The following ASB4 variants were observed in gnomAD, a reference collection of about 807,000 sequenced individuals.
The protein encoded by ASB4 is ankyrin repeat and SOCS box protein 4.
Under a neutral mutation model 38.6 loss-of-function variants are expected in ASB4, and 35 were observed. The ratio of observed to expected loss-of-function variants is 0.91; its 90% CI spans 0.69 to 1.20. The LOEUF is 1.20. Among genes scored for constraint, ASB4 ranks in the 50% most tolerant of loss-of-function variants. The pLI is 0.00. For missense variants in ASB4, 557 were observed against 527.2 expected (o/e 1.06, Z -0.55); for synonymous variants, 195 against 201.3 (o/e 0.97, Z 0.26).
intron 2 of ASB4, among the ~76,000 whole-genome samples, chr7:95,518,402 G>T (rs905432356): frequency 8.7e-4 from 132 of 152,374 alleles, no homozygotes; most frequent in African/African-American, 3.1e-3. Flanking sequence ...ATAAGACCAA[G>T]GCAGCTTGGA....
chr7:95,529,604 A>T (rs1261436847), intron 3 of ASB4, among the ~76,000 whole-genome samples: 1 of 152,232 alleles, frequency 6.6e-6, no homozygotes, highest in African/African-American at 2.4e-5. Context: ...TCTCTTGGTT[A>T]TCAGGATGCT....
At chr7:95,506,120 A>C (rs868865159) in intron 2 of ASB4, among the ~76,000 whole-genome samples, 1 of 152,156 alleles carries the variant, frequency 6.6e-6, no homozygotes, top group Non-Finnish European at 1.5e-5. Context: ...GCTAGTCTCC[A>C]ACTCCTGGCC....
At chr7:95,484,295 G>C (rs1273212211), upstream of ASB4, among the ~76,000 whole-genome samples, 1 of 152,120 alleles carries the variant, frequency 6.6e-6, no homozygotes, top group Non-Finnish European at 1.5e-5. Context: ...TCACACCACT[G>C]TGCTCCAGTC....
intron 2 of ASB4, among the ~76,000 whole-genome samples, chr7:95,509,569 T>A (rs995209160): frequency 6.6e-6 from 1 of 152,202 alleles, no homozygotes; most frequent in Non-Finnish European, 1.5e-5. Context: ...CTTGAGTAAA[T>A]AATTTAATAT....
chr7:95,500,756 T>C (rs1010522728), intron 2 of ASB4, among the ~76,000 whole-genome samples: 4 of 152,146 alleles, frequency 2.6e-5, no homozygotes, highest in Admixed American at 2.0e-4. Context: ...CTTTCAGTTA[T>C]CCTGTCTCAT....
At chr7:95,488,123 C>T (rs1790118338) in intron 1 of ASB4, among the ~76,000 whole-genome samples, 1 of 152,168 alleles carries the variant, frequency 6.6e-6, no homozygotes, top group South Asian at 2.1e-4. Flanking sequence ...GGGCTGATCA[C>T]GAGGTCAGGA....
Position 95,496,012 on chromosome 7 carries a change from A to G in ASB4, c.442A>G (p.Thr148Ala), listed in dbSNP as rs765905478. 2 of 1,613,956 alleles carry G rather than the reference A, an allele frequency of 1.2e-6. No individual in the cohort carries two copies. The highest frequency in any genetic ancestry group is 1.1e-5 in the South Asian group (1 of 91,070). The change falls in exon 2 of 5, where the codon ACA (threonine) becomes GCA (alanine). Residue 148 changes from threonine (T) to alanine (A), a missense_variant. Coordinates refer to ENST00000325885, the MANE Select transcript of ASB4 (RefSeq NM_016116.3). ...LSGHTALHFC[T>A]TPSSILCAKQ... ...TGGACACACAGCTTTGCACTTTTGT[A>G]CAACTCCAAGTTCCATTCTCTGTGC...
upstream of ASB4, chr7:95,478,332 C>A (rs928445337): frequency 6.6e-6 from 1 of 152,044 alleles, no homozygotes; most frequent in Non-Finnish European, 1.5e-5. Context: ...TGCTGGACGG[C>A]GTGTAAATGC....
At chr7:95,536,961 T>C (rs771500449) in intron 4 of ASB4, among the ~76,000 whole-genome samples, 34 of 152,210 alleles carry the variant, frequency 2.2e-4, no homozygotes, top group Admixed American at 3.3e-4. Context: ...TTAAAAACCC[T>C]GTCTTGGGTC....
chr7:95,472,133 G>C, the ASB4 span: 5 of 152,102 alleles, frequency 3.3e-5, no homozygotes, highest in Admixed American at 1.3e-4. Context: ...GGGCTCAGTA[G>C]CTCATGCCAT....
At position 95,486,832 on chromosome 7, in the gene ASB4, G is replaced by A. The variant is rs188754957; in HGVS notation, c.187+674G>A. Among the ~76,000 whole-genome samples, 537 of 152,202 alleles carry A rather than the reference G, an allele frequency of 3.5e-3. 2 individuals are homozygous for A. Among genetic ancestry groups the A allele is most frequent in the African/African-American group, 0.012 (511 of 41,534 alleles). On this transcript the variant is annotated intron_variant, in intron 1 of 4. Coordinates refer to ENST00000325885, the MANE Select transcript of ASB4 (RefSeq NM_016116.3). ...AACGACCTAAGGAAAACAAAAATTA[G>A]ACCAATTTTTTTTTACCAAGGAATT... is the stretch of plus-strand genomic sequence containing the variant.
intron 2 of ASB4, among the ~76,000 whole-genome samples, chr7:95,504,579 G>C (rs1198066780): frequency 2.0e-5 from 3 of 152,098 alleles, no homozygotes; most frequent in Non-Finnish European, 4.4e-5. Context: ...CTGCTGTATT[G>C]TGAGTACCAC....
chr7:95,478,029 T>C (rs1366989539), upstream of ASB4, among the ~76,000 whole-genome samples: 2 of 152,218 alleles, frequency 1.3e-5, no homozygotes, highest in Non-Finnish European at 2.9e-5. Context: ...ATCTTTGCAA[T>C]TGGTAAACAA....
chr7:95,548,746 T>C, the ASB4 span, among the ~76,000 whole-genome samples: 14 of 152,360 alleles, frequency 9.2e-5, no homozygotes, highest in South Asian at 2.1e-4. Context: ...GTAGCTTGAC[T>C]AAGTATTAGA....
chr7:95,493,525 AT>A (rs971137951), intron 1 of ASB4, among the ~76,000 whole-genome samples: 14 of 151,906 alleles, frequency 9.2e-5, no homozygotes, highest in African/African-American at 3.1e-4. Context: ...AAATTAAATT[AT>A]TTTTTCCCCT....
intron 3 of ASB4, among the ~76,000 whole-genome samples, chr7:95,534,775 AC>A (rs1790865706): frequency 6.6e-6 from 1 of 152,226 alleles, no homozygotes; most frequent in Admixed American, 6.5e-5. Flanking sequence ...CTGCTTAAAG[AC>A]AAAAAACAGG....
chr7:95,546,141 T>A, the ASB4 span, among the ~76,000 whole-genome samples: 3 of 152,246 alleles, frequency 2.0e-5, no homozygotes, highest in Non-Finnish European at 4.4e-5. Context: ...GGCACCTGGT[T>A]AACTTTTAAT....
chr7:95,549,518 C>T, the ASB4 span, among the ~76,000 whole-genome samples: 7 of 151,818 alleles, frequency 4.6e-5, no homozygotes, highest in East Asian at 2.0e-4. Context: ...AGGATGGTCT[C>T]GATCTCCTGA....
At chr7:95,520,136 C>T (rs1368607564) in intron 2 of ASB4, among the ~76,000 whole-genome samples, 1 of 152,084 alleles carries the variant, frequency 6.6e-6, no homozygotes, top group Non-Finnish European at 1.5e-5. Context: ...ATGCTATATC[C>T]CTGAGTCAAG....
Sources: gnomAD v4.1 joint callset for allele counts (sites outside exome capture counted in the v4.1 genomes callset) on GRCh38, gnomAD v4.1.1 for gene constraint, MANE v1.5 for transcripts, NCBI Gene and HGNC (gene_info 2026-07-23, HGNC 2026-07-21) for gene names.